The following FAM117A variants were observed in gnomAD, a reference collection of about 807,000 sequenced individuals.
FAM117A encodes the protein family with sequence similarity 117 member A.
FAM117A carries 21 observed loss-of-function variants against 44.1 expected under a neutral mutation model. The ratio of observed to expected loss-of-function variants is 0.48; its 90% CI spans 0.34 to 0.69. The LOEUF is 0.69. FAM117A is among the 30% of genes least tolerant of loss of function. The probability of loss-of-function intolerance (pLI) is 0.01; values close to 1 mark genes in which losing one functional copy is unlikely to be tolerated. For missense variants in FAM117A, 498 were observed against 589.9 expected (o/e 0.84, Z 1.61); for synonymous variants, 220 against 238.3 (o/e 0.92, Z 0.71).
At chr17:49,742,027 A>G (rs1344754553) in intron 1 of FAM117A, among the ~76,000 whole-genome samples, 4 of 152,204 alleles carry the variant, frequency 2.6e-5, no homozygotes, top group African/African-American at 9.7e-5. Flanking sequence ...ACTTCTTTCA[A>G]TAGCTATCCT....
At chr17:49,750,969 T>A (rs1233893202) in intron 1 of FAM117A, among the ~76,000 whole-genome samples, 1 of 152,046 alleles carries the variant, frequency 6.6e-6, no homozygotes, top group Admixed American at 6.6e-5. Context: ...CCTTGTGAAG[T>A]TGGGAAATAA....
At chr17:49,764,324 G>T (rs1435951689), upstream of FAM117A, among the ~76,000 whole-genome samples, 3 of 152,082 alleles carry the variant, frequency 2.0e-5, no homozygotes, top group Non-Finnish European at 2.9e-5. Context: ...CCCTCACACC[G>T]CCCCCTTCGG....
intron 1 of FAM117A, among the ~76,000 whole-genome samples, chr17:49,753,613 C>T (rs1272121160): frequency 1.3e-5 from 2 of 152,088 alleles, no homozygotes; most frequent in East Asian, 1.9e-4. Context: ...GTCAGGAGTT[C>T]GAGACCAGCC....
chr17:49,741,408 C>T (rs546254106), intron 1 of FAM117A, among the ~76,000 whole-genome samples: 4 of 152,268 alleles, frequency 2.6e-5, no homozygotes, highest in South Asian at 2.1e-4. Flanking sequence ...TATGCATGCC[C>T]GCACTCAGAG....
intron 1 of FAM117A, 56 bp from the exon 2 acceptor site, chr17:49,732,776 G>A (rs1196298066): frequency 3.9e-6 from 6 of 1,552,590 alleles, no homozygotes; most frequent in Middle Eastern, 1.8e-4. Context: ...AGGAGACGTG[G>A]CAATCACCTT....
At chr17:49,737,001 C>T (rs2073613568) in intron 1 of FAM117A, among the ~76,000 whole-genome samples, 2 of 152,220 alleles carry the variant, frequency 1.3e-5, no homozygotes, top group Admixed American at 1.3e-4. Flanking sequence ...ATTGAAAAAC[C>T]TTCACAAGAA....
chr17:49,782,779 C>T (rs542968810), intron 1 of FAM117A, among the ~76,000 whole-genome samples: 1 of 150,282 alleles, frequency 6.7e-6, no homozygotes, highest in South Asian at 2.1e-4. Context: ...AGTGTTATTA[C>T]ACTGTGTTAA....
At chr17:49,785,845 G>A (rs192010158) in intron 1 of FAM117A, among the ~76,000 whole-genome samples, 16 of 152,270 alleles carry the variant, frequency 1.1e-4, no homozygotes, top group African/African-American at 3.6e-4. Flanking sequence ...ATGCATCCAG[G>A]CAGGAAGAAA....
chr17:49,751,435 C>T (rs2073676984), intron 1 of FAM117A, among the ~76,000 whole-genome samples: 1 of 151,934 alleles, frequency 6.6e-6, no homozygotes, highest in Admixed American at 6.6e-5. Context: ...CAAAAATTAG[C>T]TGGGCATGGT....
chr17:49,719,976 A>G (rs1160658374), intron 4 of FAM117A, 82 bp from the exon 5 acceptor site: 3 of 1,515,510 alleles, frequency 2.0e-6, no homozygotes, highest in Non-Finnish European at 1.8e-6. Context: ...GGTAATGGTC[A>G]TGTCCACACA....
At position 49,715,698 on chromosome 17, in the gene FAM117A, A is replaced by G. The variant is rs977903619; in HGVS notation, c.1061+467T>C. Reference sequence around the variant, plus strand: ...CCACAGGGTGAAGACTTGACTCCGAAGCTCAAACTGTTAAGCTGTTTAGGC... The same window carrying G: ...CCACAGGGTGAAGACTTGACTCCGAGGCTCAAACTGTTAAGCTGTTTAGGC... On this transcript the variant is annotated intron_variant, in intron 7 of 7. Transcript: ENST00000240364. 9.2e-5 allele frequency among the ~76,000 whole-genome samples: 14 copies of G among 152,214 alleles called. No homozygotes were observed. In the South Asian group the frequency reaches 2.3e-3, roughly 25 times the overall value.
rs200710678 is a variant in FAM117A, at chr17:49,782,546, C to T, written c.-621+5951G>A. Among the ~76,000 whole-genome samples the T allele has an allele frequency of 4.8e-4, 73 of 151,422 alleles. 1 individual carries two copies. The East Asian group carries it at 0.011, about 22-fold the overall frequency. On this transcript the variant is annotated intron_variant, in intron 1 of 7. Coordinates refer to the FAM117A transcript ENST00000513602. ...CTCTACTAAAGATAGAAAAATAAGC[C>T]GGGCATGGTGGCACGCACCTGTAGT...
chr17:49,716,348 A>G (rs1209945752), intron 6 of FAM117A, 33 bp from the exon 7 acceptor site: 4 of 1,498,724 alleles, frequency 2.7e-6, no homozygotes, highest in Non-Finnish European at 3.6e-6. Flanking sequence ...TCTAGTGGAG[A>G]TGAAGGGAAG....
rs117998104 is a variant in FAM117A at position 49,741,849 on chromosome 17, A to G, written c.197-9129T>C. Among the ~76,000 whole-genome samples, 368 of 152,244 alleles carry G rather than the reference A, an allele frequency of 2.4e-3. 3 individuals are homozygous for G. Among genetic ancestry groups the G allele is most frequent in the East Asian group, 0.021 (109 of 5,182 alleles). Reference sequence around the variant, plus strand: ...AGCTCCCTGTGGTCCAGTGCTGCTTAACTGCTTAACTAGGGATGGGTGGGT... The same window carrying G: ...AGCTCCCTGTGGTCCAGTGCTGCTTGACTGCTTAACTAGGGATGGGTGGGT... On this transcript the variant is annotated intron_variant, in intron 1 of 7. Transcript: ENST00000240364.
intron 1 of FAM117A, among the ~76,000 whole-genome samples, chr17:49,749,349 G>A (rs2073666301): frequency 1.3e-5 from 2 of 151,890 alleles, no homozygotes; most frequent in South Asian, 4.2e-4. Context: ...AGGCAAGGTG[G>A]GCGGATCACA....
Position 49,720,170 on chromosome 17 carries a change from A to G in FAM117A, c.573+156T>C, listed in dbSNP as rs1223081128. On this transcript the variant is annotated intron_variant, in intron 4 of 7. Coordinates refer to ENST00000240364, the MANE Select transcript of FAM117A (RefSeq NM_030802.4). ...ATTCAGAACGGCAAGAAGCCCTTCC[A>G]ATATCACACAGCAAGACCAAGTTTG... 4 of 685,054 alleles carry G rather than the reference A, an allele frequency of 5.8e-6. No individual in the cohort carries two copies. The African/African-American group carries it at 7.2e-5, about 12-fold the overall frequency. The allele number at this position is 685,054 out of a possible 1,614,324, so 42.4% of individuals were successfully genotyped here.
At chr17:49,742,289 T>C (rs548750146) in intron 1 of FAM117A, among the ~76,000 whole-genome samples, 2 of 152,200 alleles carry the variant, frequency 1.3e-5, no homozygotes, top group South Asian at 4.1e-4. Context: ...ACCATATCTG[T>C]AGGCAGCTGG....
intron 1 of FAM117A, among the ~76,000 whole-genome samples, chr17:49,740,448 A>C (rs1338173994): frequency 2.0e-5 from 3 of 152,124 alleles, no homozygotes; most frequent in Non-Finnish European, 4.4e-5. Flanking sequence ...ACGGGGTTTC[A>C]CCGTGTTAGC....
At chr17:49,788,839 C>G (rs753759182), upstream of FAM117A, 1 of 1,587,164 alleles carries the variant, frequency 6.3e-7, no homozygotes. Flanking sequence ...CCGGCAATGC[C>G]GCGAAGGAAG....
Sources: allele counts gnomAD v4.1 joint callset (sites outside exome capture counted in the v4.1 genomes callset), GRCh38; gene constraint gnomAD v4.1.1; transcripts MANE v1.5; gene names NCBI Gene and HGNC (gene_info 2026-07-23, HGNC 2026-07-21).